The following COL2A1 variants were observed in gnomAD, a reference collection of about 807,000 sequenced individuals.
COL2A1 encodes collagen type II alpha 1 chain, also known as collagen alpha-1(II) chain.
COL2A1 carries 28 observed loss-of-function variants against 204.5 expected under a neutral mutation model. The observed-to-expected ratio is 0.14, with a 90% CI of 0.10 to 0.19. The LOEUF is 0.19. Ranked by LOEUF, COL2A1 falls within the 10% of genes least tolerant of loss-of-function variation. The pLI is 1.00. For missense variants in COL2A1, 1,388 were observed against 2,027.5 expected (o/e 0.68, Z 6.06); for synonymous variants, 708 against 718.7 (o/e 0.99, Z 0.24).
chr12:47,976,018 G>A lies in COL2A1; in HGVS notation c.3542C>T (p.Pro1181Leu). ...PSGKDGANGIPGPIGPPGPRG... is the reference protein window; with the variant it reads ...PSGKDGANGILGPIGPPGPRG... ...GGGACCAGGAGGCCCAATGGGGCCA[G>A]GGATTCCATTAGCACCATCTTTGCC... The change falls in exon 50 of 54, where the codon CCT becomes CTT. Residue 1181 changes from proline (P) to leucine (L), a missense_variant. By Grantham distance (98) the Pro-to-Leu change is moderately conservative. Coordinates refer to ENST00000380518, the MANE Select transcript of COL2A1 (RefSeq NM_001844.5). The surrounding 1 kb of genome is among the most constrained non-coding windows in gnomAD (Gnocchi z 4.3). 2 of 1,614,178 alleles carry A rather than the reference G, an allele frequency of 1.2e-6. No individual in the cohort carries two copies. Among genetic ancestry groups the A allele is most frequent in the East Asian group, 2.2e-5 (1 of 44,860 alleles).
At position 47,993,827 on chromosome 12, in the gene COL2A1, C is replaced by A; in HGVS notation, c.906G>T (p.Ala302=). 1 of 1,614,162 alleles carries A rather than the reference C, an allele frequency of 6.2e-7. No individual in the cohort carries two copies. Among genetic ancestry groups the A allele is most frequent in the Non-Finnish European group, 8.5e-7 (1 of 1,180,012 alleles). ...YPGLDGAKGE[A]GAPGVKGESG... ...CTCTCACCTTCACACCAGGAGCACC[C>A]GCCTCTCCCTTAGCACCGTCCAGGC... is the stretch of plus-strand genomic sequence containing the variant. The change falls in exon 14 of 54, where the codon GCG becomes GCT. Residue 302 remains alanine, a synonymous_variant. Transcript: ENST00000380518.
At chr12:47,994,193 C>A in intron 12 of COL2A1, 146 bp from the exon 13 acceptor site, 1 of 1,067,084 alleles carries the variant, frequency 9.4e-7, no homozygotes. Flanking sequence ...CTGTAAAACC[C>A]AGACCACCCC....
chr12:48,000,060 G>A lies in COL2A1; in HGVS notation c.151C>T (p.Pro51Ser), dbSNP rs945234297. Reference protein sequence around the residue: ...YNDKDVWKPEPCRICVCDTGT... With the variant: ...YNDKDVWKPESCRICVCDTGT... ...GTGTCACAGACACAGATCCGGCAGG[G>A]CTCCGGCTTCCACACATCCTTATCA... The change falls in exon 2 of 54, where the codon CCC (proline) becomes TCC (serine). Residue 51 changes from proline (P) to serine (S), a missense_variant. Pro to Ser is a moderately conservative substitution (Grantham distance 74). This residue lies in a region of COL2A1 where 201 missense variants were observed against 242.4 expected (regional missense o/e 0.83). Transcript: ENST00000380518. 7 of 1,613,772 alleles carry A rather than the reference G, an allele frequency of 4.3e-6. No homozygotes were observed. The Admixed American group carries it at 1.2e-4, about 27-fold the overall frequency.
At chr12:47,998,091 T>A (rs777206028) in intron 4 of COL2A1, 27 bp from the exon 5 acceptor site, 1 of 1,614,190 alleles carries the variant, frequency 6.2e-7, no homozygotes, top group South Asian at 1.1e-5. Flanking sequence ...CACAGGATGG[T>A]AAGTTAGAGG....
At chr12:47,982,270 G>A (rs965172309) in intron 34 of COL2A1, 110 bp from the exon 35 acceptor site, 29 of 1,016,572 alleles carry the variant, frequency 2.9e-5, no homozygotes, top group Non-Finnish European at 4.3e-5. Flanking sequence ...CTGCCCAAGA[G>A]GAATTTGCTG....
chr12:47,985,242 C>A, intron 26 of COL2A1, 149 bp from the exon 27 acceptor site: 1 of 735,968 alleles, frequency 1.4e-6, no homozygotes, highest in East Asian at 2.7e-5. Context: ...CACCCATGGG[C>A]CCATCTACAA....
In COL2A1 at chr12:47,984,989, A is replaced by C; in HGVS notation, c.1833+6T>G. ...GAAGGAAATAGAAGAGCAAATTATT[A>C]CTTACGTTGGCACCTTTGGGGCCAG... On this transcript the variant is annotated splice_donor_region_variant and intron_variant, in intron 27 of 53. Transcript: ENST00000380518. 1 of 1,612,022 alleles carries C rather than the reference A, an allele frequency of 6.2e-7. No individual in the cohort carries two copies. Among genetic ancestry groups the C allele is most frequent in the Non-Finnish European group, 8.5e-7 (1 of 1,178,556 alleles).
In COL2A1 at chr12:47,973,243, C is replaced by G; in HGVS notation, c.*164G>C. ...ATTTTGCAGTCTGCCCAGTTCAGGT[C>G]TCTTAGAAAGAGAGGGGAGAAAAGT... On this transcript the variant is annotated 3_prime_UTR_variant, in exon 54 of 54. Coordinates refer to ENST00000380518, the MANE Select transcript of COL2A1 (RefSeq NM_001844.5). 1.2e-6 allele frequency: 1 copy of G among 862,422 alleles called. No individual in the cohort carries two copies. Among genetic ancestry groups the G allele is most frequent in the African/African-American group, 1.7e-5 (1 of 60,464 alleles). The allele number at this position is 862,422 out of a possible 1,614,324, so 53.4% of individuals were successfully genotyped here. A position where few individuals can be genotyped will look rare whatever the true frequency, so the allele number is the denominator to read the frequency against.
chr12:47,987,734 A>G lies in COL2A1; in HGVS notation c.1123-25T>C, dbSNP rs1458777026. 1.3e-6 allele frequency: 2 copies of G among 1,577,118 alleles called. No individual in the cohort carries two copies. ...CCTGGGAAGAGACAGGGAGGATGAAATGAAGAAGAAGAGAGGGGACACAGA... is the reference window on the plus strand; with the variant it reads ...CCTGGGAAGAGACAGGGAGGATGAAGTGAAGAAGAAGAGAGGGGACACAGA... On this transcript the variant is annotated intron_variant, in intron 18 of 53. Coordinates refer to ENST00000380518, the MANE Select transcript of COL2A1 (RefSeq NM_001844.5). This position sits in a 1 kb window ranked among gnomAD's most constrained non-coding sequence, Gnocchi z 4.1.
chr12:47,988,554 CCCGGCTCCGGGA>C (rs1939547746), intron 18 of COL2A1: 1 of 157,830 alleles, frequency 6.3e-6, no homozygotes, highest in African/African-American at 2.4e-5. Flanking sequence ...GTCTCCTTCA[CCCGGCTCCGGGA>C]CCTCAGACAC....
At chr12:47,985,486 C>T (rs768774275) in intron 26 of COL2A1, 48 bp downstream of exon 26, 1 of 1,582,576 alleles carries the variant, frequency 6.3e-7, no homozygotes. Context: ...CTTGCTTCCC[C>T]AGGGAGATCC....
intron 40 of COL2A1, among the ~76,000 whole-genome samples, chr12:47,979,772 A>G (rs1437207162): frequency 6.6e-6 from 1 of 152,178 alleles, no homozygotes; most frequent in Admixed American, 6.5e-5. Flanking sequence ...CGGTTTCCAC[A>G]GTCAGCACTT....
In COL2A1 at chr12:47,997,973, G is replaced by T. The variant is rs1396544908; in HGVS notation, c.376-49C>A. 4 of 1,614,168 alleles carry T rather than the reference G, an allele frequency of 2.5e-6. No homozygotes were observed. In the South Asian group the frequency reaches 4.4e-5, roughly 18 times the overall value. ...ATGACAGCAAGGCCAGGAGCCTGCAGATCAGTAACTTGCGCGCAGCGAGGA... is the reference window on the plus strand; with the variant it reads ...ATGACAGCAAGGCCAGGAGCCTGCATATCAGTAACTTGCGCGCAGCGAGGA... On this transcript the variant is annotated intron_variant, in intron 5 of 53. Transcript: ENST00000380518.
intron 1 of COL2A1, chr12:48,001,069 C>T (rs1366888968): frequency 6.6e-6 from 1 of 152,388 alleles, no homozygotes; most frequent in East Asian, 1.9e-4. Flanking sequence ...TCTCCTCCAC[C>T]AGCGCCCTGC....
chr12:47,981,110 G>T, intron 37 of COL2A1, 142 bp from the exon 38 acceptor site: 1 of 946,558 alleles, frequency 1.1e-6, no homozygotes, highest in Non-Finnish European at 1.6e-6. Flanking sequence ...CCTGAACGCA[G>T]GCAGAGGCTC....
At chr12:47,992,160 G>C (rs1939737959) in intron 16 of COL2A1, among the ~76,000 whole-genome samples, 1 of 152,094 alleles carries the variant, frequency 6.6e-6, no homozygotes, top group Non-Finnish European at 1.5e-5. Context: ...CTATTGCTAA[G>C]GAATCAGAGC....
Position 47,992,941 on chromosome 12 carries a change from A to G in COL2A1, c.970-10T>C. The stretch of plus-strand genomic sequence containing the variant: ...GCAGGCCACGAGGACCCTGGAACAC[A>G]CACCAGGACAGCCTAAGCATGAGTT... On this transcript the variant is annotated splice_polypyrimidine_tract_variant and intron_variant, in intron 15 of 53. Transcript: ENST00000380518. 2 of 1,614,062 alleles carry G rather than the reference A, an allele frequency of 1.2e-6. No homozygotes were observed. Among genetic ancestry groups the G allele is most frequent in the Non-Finnish European group, 1.7e-6 (2 of 1,179,932 alleles).
chr12:47,977,250 G>T (rs888457982), intron 46 of COL2A1, 70 bp downstream of exon 46: 27 of 1,580,876 alleles, frequency 1.7e-5, no homozygotes, highest in Admixed American at 3.3e-5. Context: ...CAGAGACTGC[G>T]GAAACCCAGG....
chr12:47,983,066 G>A (rs372963375), intron 32 of COL2A1, 27 bp downstream of exon 32: 13 of 1,613,416 alleles, frequency 8.1e-6, no homozygotes, highest in Middle Eastern at 1.6e-4. Context: ...CAAGGAGGCA[G>A]CCCGCATTGG....
Sources: gnomAD v4.1 joint callset for allele counts (sites outside exome capture counted in the v4.1 genomes callset) on GRCh38, gnomAD v4.1.1 for gene constraint, gnomAD v4.1.1 regional missense constraint, Gnocchi (gnomAD v3.1) non-coding constraint, MANE v1.5 for transcripts, NCBI Gene and HGNC (gene_info 2026-07-23, HGNC 2026-07-21) for gene names.